DGKI: variants seen among roughly 807,000 people sequenced by gnomAD.
The protein encoded by DGKI is diacylglycerol kinase iota, also known as DAG kinase iota.
DGKI carries 55 observed loss-of-function variants against 147.5 expected under a neutral mutation model. The observed-to-expected ratio is 0.37, with a 90% CI of 0.30 to 0.47. The LOEUF (loss-of-function observed/expected upper bound fraction) is 0.47, where lower values mean the gene tolerates loss of function less well. Ranked by LOEUF, DGKI falls within the 20% of genes least tolerant of loss-of-function variation. The pLI is 1.00. For missense variants in DGKI, 1,007 were observed against 1,323.8 expected, an observed-to-expected ratio of 0.76 and a Z score of 3.71; for synonymous variants, 469 against 477.1, an observed-to-expected ratio of 0.98 and a Z score of 0.22.
rs370007252 is a variant in DGKI, at chr7:137,660,357, C to T, written c.607-3817G>A. Among the ~76,000 whole-genome samples the T allele has an allele frequency of 2.3e-3, 345 of 152,262 alleles. 2 individuals carry two copies. The highest frequency in any genetic ancestry group is 7.1e-3 in the African/African-American group (296 of 41,540). ...AAATAACAACACAATAATATATATG[C>T]TAGGTTTTAGGATGGTGGGCATGAT... On this transcript the variant is annotated intron_variant, in intron 3 of 32. Coordinates refer to ENST00000614521, the MANE Select transcript of DGKI (RefSeq NM_001321708.2).
chr7:137,519,194 A>G (rs917562436), intron 21 of DGKI, among the ~76,000 whole-genome samples: 6 of 152,110 alleles, frequency 3.9e-5, no homozygotes, highest in Admixed American at 1.3e-4. Context: ...AATGGGAAAT[A>G]TCTGAAAGAG....
At chr7:137,576,350 T>C (rs1247246270) in intron 17 of DGKI, among the ~76,000 whole-genome samples, 1 of 151,628 alleles carries the variant, frequency 6.6e-6, no homozygotes, top group Non-Finnish European at 1.5e-5. Context: ...TCAAAATTAT[T>C]CTTATTCTTT....
intron 30 of DGKI, 32 bp downstream of exon 30, chr7:137,407,843 T>G: frequency 6.2e-7 from 1 of 1,610,386 alleles, no homozygotes; most frequent in Non-Finnish European, 8.5e-7. Context: ...CACAGGTAAG[T>G]GATCCTTGGT....
intron 19 of DGKI, among the ~76,000 whole-genome samples, chr7:137,564,836 T>C (rs1301121220): frequency 6.6e-6 from 1 of 152,244 alleles, no homozygotes; most frequent in Non-Finnish European, 1.5e-5. Flanking sequence ...GGGCGGTCCC[T>C]CGTGCCACCT....
intron 4 of DGKI, among the ~76,000 whole-genome samples, chr7:137,655,384 G>C (rs1822182430): frequency 6.6e-6 from 1 of 152,082 alleles, no homozygotes; most frequent in African/African-American, 2.4e-5. Flanking sequence ...ATTTTTAGTA[G>C]AGACGGGGTT....
At chr7:137,740,273 CA>C (rs1795139114) in intron 1 of DGKI, among the ~76,000 whole-genome samples, 1 of 152,240 alleles carries the variant, frequency 6.6e-6, no homozygotes, top group Non-Finnish European at 1.5e-5. Flanking sequence ...CTCTGTCTGT[CA>C]ATTTTGATTT....
intron 1 of DGKI, among the ~76,000 whole-genome samples, chr7:137,731,760 C>T (rs1342012775): frequency 1.3e-5 from 2 of 152,006 alleles, no homozygotes; most frequent in Non-Finnish European, 2.9e-5. Flanking sequence ...TAGACATAAC[C>T]ACAGGTCTTC....
intron 1 of DGKI, among the ~76,000 whole-genome samples, chr7:137,741,869 T>C (rs1388755882): frequency 6.6e-6 from 1 of 152,192 alleles, no homozygotes; most frequent in African/African-American, 2.4e-5. Context: ...CTGAAAACCA[T>C]AGGGGCTGCT....
At chr7:137,573,538 GGGATTAC>G (rs1314664383) in intron 17 of DGKI, among the ~76,000 whole-genome samples, 9 of 152,130 alleles carry the variant, frequency 5.9e-5, no homozygotes, top group African/African-American at 2.2e-4. Flanking sequence ...CCAAGTAGCT[GGGATTAC>G]AGGTGCCCGC....
At chr7:137,799,484 T>C (rs1379511290) in intron 1 of DGKI, among the ~76,000 whole-genome samples, 1 of 152,220 alleles carries the variant, frequency 6.6e-6, no homozygotes, top group Non-Finnish European at 1.5e-5. Context: ...TTTAAAAGGA[T>C]GAATTTTATG....
intron 18 of DGKI, among the ~76,000 whole-genome samples, chr7:137,572,016 T>G (rs930212106): frequency 6.6e-6 from 1 of 152,234 alleles, no homozygotes; most frequent in African/African-American, 2.4e-5. Flanking sequence ...TATTGAGCAC[T>G]GCCAAGAATA....
intron 1 of DGKI, among the ~76,000 whole-genome samples, chr7:137,797,573 T>C (rs1797072219): frequency 6.6e-6 from 1 of 152,128 alleles, no homozygotes; most frequent in South Asian, 2.1e-4. Flanking sequence ...ACTAAGTTTT[T>C]GAAAACTATT....
In DGKI at chr7:137,595,819, C is replaced by T. The variant is rs188260494; in HGVS notation, c.1311+2028G>A. ...GAGATCGAGACCATCCTGGCTAACA[C>T]GGTGAAACATCGTCTCTACTAAAAA... is the stretch of plus-strand genomic sequence containing the variant. On this transcript the variant is annotated intron_variant, in intron 12 of 32. Coordinates refer to ENST00000614521, the MANE Select transcript of DGKI (RefSeq NM_001321708.2). Among the ~76,000 whole-genome samples the T allele has an allele frequency of 2.4e-3, 359 of 151,414 alleles. 3 individuals are homozygous for T. Among genetic ancestry groups the T allele is most frequent in the African/African-American group, 8.2e-3 (338 of 41,310 alleles).
chr7:137,596,843 A>C (rs1449062748), intron 12 of DGKI, among the ~76,000 whole-genome samples: 1 of 152,222 alleles, frequency 6.6e-6, no homozygotes, highest in Non-Finnish European at 1.5e-5. Context: ...TAGTATTCGA[A>C]GATTTTGTTG....
intron 8 of DGKI, among the ~76,000 whole-genome samples, chr7:137,611,725 T>A (rs1820370676): frequency 1.3e-5 from 2 of 152,152 alleles, no homozygotes; most frequent in South Asian, 2.1e-4. Flanking sequence ...AAATGTTAGC[T>A]CATTCTAAAT....
intron 3 of DGKI, among the ~76,000 whole-genome samples, chr7:137,667,433 C>T (rs1822677985): frequency 2.0e-5 from 3 of 152,096 alleles, no homozygotes; most frequent in Admixed American, 1.3e-4. Context: ...ATCACGGGTA[C>T]AGCAGAGATT....
At position 137,382,246 on chromosome 7, in the gene DGKI, G is replaced by A. The variant is rs1341166849; in HGVS notation, c.*8974C>T. ...AAACATATATCTATCATTTTTAAGAGGAAAATGTATATTTAAACCCAAAAT... is the reference window on the plus strand; with the variant it reads ...AAACATATATCTATCATTTTTAAGAAGAAAATGTATATTTAAACCCAAAAT... On this transcript the variant is annotated 3_prime_UTR_variant, in exon 33 of 33. Coordinates refer to ENST00000614521, the MANE Select transcript of DGKI (RefSeq NM_001321708.2). 1.3e-5 allele frequency: 2 copies of A among 151,980 alleles called. No homozygotes were observed. The highest frequency in any genetic ancestry group is 4.8e-5 in the African/African-American group (2 of 41,406). The allele number at this position is 151,980 out of a possible 1,614,324, so 9.4% of individuals were successfully genotyped here. A position where few individuals can be genotyped will look rare whatever the true frequency, so the allele number is the denominator to read the frequency against.
In DGKI at chr7:137,384,773, A is replaced by G. The variant is rs550310311; in HGVS notation, c.*6447T>C. The G allele has an allele frequency of 1.3e-5, 2 of 152,120 alleles. No homozygotes were observed. Among genetic ancestry groups the G allele is most frequent in the African/African-American group, 4.8e-5 (2 of 41,434 alleles). 9.4% of individuals were successfully genotyped at this position (152,120 alleles called of 1,614,324 possible). A position where few individuals can be genotyped will look rare whatever the true frequency, so the allele number is the denominator to read the frequency against. On this transcript the variant is annotated 3_prime_UTR_variant, in exon 33 of 33. Coordinates refer to ENST00000614521, the MANE Select transcript of DGKI (RefSeq NM_001321708.2). ...TTTATACTGTCATAGAGTGAAAACT[A>G]TATGTGTGTTTCACTAAAGGTCTGA...
At chr7:137,558,416 G>T (rs1321868121) in intron 19 of DGKI, among the ~76,000 whole-genome samples, 1 of 152,134 alleles carries the variant, frequency 6.6e-6, no homozygotes, top group African/African-American at 2.4e-5. Flanking sequence ...TGGGACTACA[G>T]GTGCACGCCA....
Sources: allele counts gnomAD v4.1 joint callset (sites outside exome capture counted in the v4.1 genomes callset), GRCh38; gene constraint gnomAD v4.1.1; transcripts MANE v1.5; gene names NCBI Gene and HGNC (gene_info 2026-07-23, HGNC 2026-07-21).